VAMP7: variants seen among roughly 807,000 people sequenced by gnomAD.
The protein encoded by VAMP7 is vesicle-associated membrane protein 7.
In VAMP7, 14 loss-of-function variants were observed where a neutral mutation model predicts 29.6. The ratio of observed to expected loss-of-function variants is 0.47; its 90% CI spans 0.31 to 0.74. VAMP7 has a LOEUF of 0.74. Ranked by LOEUF, VAMP7 falls within the 30% of genes least tolerant of loss-of-function variation. The pLI is 0.05. For missense variants in VAMP7, 223 were observed against 262.4 expected (o/e 0.85, Z 1.04); for synonymous variants, 95 against 88.1 (o/e 1.08, Z -0.44).
chrX:155,913,708 C>T (rs1191603523), intron 5 of VAMP7, among the ~76,000 whole-genome samples: 1 of 152,052 alleles, frequency 6.6e-6, no homozygotes, highest in African/African-American at 2.4e-5. Context: ...TTTCTGAGGC[C>T]TCTGTTCTGT....
chrX:155,891,902 T>C (rs2065929241), intron 2 of VAMP7, among the ~76,000 whole-genome samples: 1 of 152,210 alleles, frequency 6.6e-6, no homozygotes, highest in African/African-American at 2.4e-5. Context: ...GATTTTGGCT[T>C]TATACTTTCT....
At chrX:155,901,657 G>A (rs2066064238) in intron 5 of VAMP7, among the ~76,000 whole-genome samples, 1 of 152,040 alleles carries the variant, frequency 6.6e-6, no homozygotes, top group South Asian at 2.1e-4. Flanking sequence ...GTTTTTCTTA[G>A]GTTTGTCAAA....
intron 6 of VAMP7, among the ~76,000 whole-genome samples, chrX:155,935,583 T>C (rs1456614187): frequency 2.0e-5 from 3 of 152,144 alleles, no homozygotes; most frequent in Non-Finnish European, 4.4e-5. Context: ...ACATTGGTTA[T>C]TCTAGTTAGC....
At chrX:155,922,444 T>C (rs937267717) in intron 6 of VAMP7, among the ~76,000 whole-genome samples, 4 of 152,122 alleles carry the variant, frequency 2.6e-5, no homozygotes, top group African/African-American at 9.6e-5. Context: ...GTATTCATGA[T>C]TTTATCAAAT....
intron 6 of VAMP7, among the ~76,000 whole-genome samples, chrX:155,935,261 G>A (rs1197520396): frequency 6.6e-6 from 1 of 152,002 alleles, no homozygotes; most frequent in Non-Finnish European, 1.5e-5. Flanking sequence ...TGCTAGGTTG[G>A]GGAAGTTCTC....
chrX:155,895,565 A>G (rs1308704539), intron 2 of VAMP7, 58 bp from the exon 3 acceptor site: 17 of 1,294,196 alleles, frequency 1.3e-5, no homozygotes, highest in Non-Finnish European at 1.8e-5. Context: ...GATAGAAGAT[A>G]GAAGTAAAAG....
chrX:155,900,485 A>T lies in VAMP7; in HGVS notation c.343-12A>T. 6.3e-7 allele frequency: 1 copy of T among 1,592,926 alleles called. No homozygotes were observed. Among genetic ancestry groups the T allele is most frequent in the Non-Finnish European group, 8.6e-7 (1 of 1,168,904 alleles). ...GTCTAGGTACCATAAGTTAAAACTTATTTTCTTATAGAAGCATCACTCTGA... is the reference window on the plus strand; with the variant it reads ...GTCTAGGTACCATAAGTTAAAACTTTTTTTCTTATAGAAGCATCACTCTGA... On this transcript the variant is annotated splice_polypyrimidine_tract_variant and intron_variant, in intron 4 of 7. Coordinates refer to ENST00000286448, the MANE Select transcript of VAMP7 (RefSeq NM_005638.6).
At chrX:155,940,376 T>C (rs1184360639) in intron 7 of VAMP7, among the ~76,000 whole-genome samples, 3 of 152,154 alleles carry the variant, frequency 2.0e-5, no homozygotes, top group Non-Finnish European at 2.9e-5. Flanking sequence ...GCTTCTCCTC[T>C]ACCACAGCTT....
Position 155,888,779 on chromosome X carries a change from A to T in VAMP7, c.-9-679A>T, listed in dbSNP as rs181332540. On this transcript the variant is annotated intron_variant, in intron 1 of 7. Transcript: ENST00000286448. ...TGGCAGTGTACAGTAAAAGGCTAAGATTATGAGCTCTAGAACCATACTGCC... is the reference window on the plus strand; with the variant it reads ...TGGCAGTGTACAGTAAAAGGCTAAGTTTATGAGCTCTAGAACCATACTGCC... Among the ~76,000 whole-genome samples, 168 of 152,252 alleles carry T rather than the reference A, an allele frequency of 1.1e-3. 1 individual carries two copies. The highest frequency in any genetic ancestry group is 3.5e-3 in the African/African-American group (147 of 41,548).
rs142892529 is a variant in VAMP7 at position 155,895,627 on chromosome X, T to C, written c.151T>C (p.Leu51=). ...NKLTYSHGNY[L]FHYICQDRIV... Reference sequence around the variant, plus strand: ...TTTATATCTTTTATTCTACAGTTATTTGTTTCATTACATCTGCCAAGACAG... The same window carrying C: ...TTTATATCTTTTATTCTACAGTTATCTGTTTCATTACATCTGCCAAGACAG... Residue 51 remains leucine (L), a synonymous_variant, in exon 3 of 8, where the codon TTG becomes CTG. Coordinates refer to ENST00000286448, the MANE Select transcript of VAMP7 (RefSeq NM_005638.6). The C allele has an allele frequency of 1.2e-4, 186 of 1,608,142 alleles. 1 individual carries two copies. In the African/African-American group the frequency reaches 2.3e-3, roughly 20 times the overall value.
chrX:155,898,604 C>G (rs2066018476), intron 4 of VAMP7, among the ~76,000 whole-genome samples: 1 of 152,008 alleles, frequency 6.6e-6, no homozygotes. Flanking sequence ...ATTTAATTTT[C>G]TAACAACCCA....
At chrX:155,903,577 T>G (rs1487546258) in intron 5 of VAMP7, among the ~76,000 whole-genome samples, 1 of 152,036 alleles carries the variant, frequency 6.6e-6, no homozygotes, top group African/African-American at 2.4e-5. Flanking sequence ...AAAGAAGACA[T>G]TTATGCAGCC....
chrX:155,918,695 A>G (rs1293594062), intron 5 of VAMP7, among the ~76,000 whole-genome samples: 1 of 152,146 alleles, frequency 6.6e-6, no homozygotes, highest in African/African-American at 2.4e-5. Flanking sequence ...AAATGCAGAA[A>G]TTACCCACCT....
intron 6 of VAMP7, among the ~76,000 whole-genome samples, chrX:155,934,385 T>C (rs2066614001): frequency 6.6e-6 from 1 of 152,214 alleles, no homozygotes; most frequent in African/African-American, 2.4e-5. Flanking sequence ...TGGGTCCTCC[T>C]GTATTGGGTG....
At chrX:155,893,926 A>G (rs1450194953) in intron 2 of VAMP7, among the ~76,000 whole-genome samples, 2 of 152,258 alleles carry the variant, frequency 1.3e-5, no homozygotes, top group African/African-American at 4.8e-5. Flanking sequence ...GCCACTGGAT[A>G]TGGCAATGTG....
intron 1 of VAMP7, among the ~76,000 whole-genome samples, chrX:155,882,923 G>C (rs1442472785): frequency 6.6e-6 from 1 of 152,160 alleles, no homozygotes; most frequent in Non-Finnish European, 1.5e-5. Context: ...AATTTCTAAG[G>C]CATAGGCTGA....
chrX:155,913,979 C>G (rs1388500050), intron 5 of VAMP7, among the ~76,000 whole-genome samples: 1 of 152,072 alleles, frequency 6.6e-6, no homozygotes, highest in Non-Finnish European at 1.5e-5. Context: ...TGGCCATATT[C>G]TTCCTATCCA....
rs533269514 is a variant in VAMP7, at chrX:155,892,038, A to G, written c.146+2426A>G. 1.2e-3 allele frequency among the ~76,000 whole-genome samples: 187 copies of G among 152,240 alleles called. 4 individuals are homozygous for G. In the South Asian group the frequency reaches 0.036, roughly 30 times the overall value. The stretch of plus-strand genomic sequence containing the variant: ...GAAATAGGGCATATATCTTCCACTC[A>G]TGTATTATGAGCCAGAATTTAGTCA... On this transcript the variant is annotated intron_variant, in intron 2 of 7. Coordinates refer to ENST00000286448, the MANE Select transcript of VAMP7 (RefSeq NM_005638.6).
chrX:155,889,300 T>C lies in VAMP7; in HGVS notation c.-9-158T>C, dbSNP rs2065899813. 4.6e-5 allele frequency among the ~76,000 whole-genome samples: 7 copies of C among 152,184 alleles called. No homozygotes were observed. The South Asian group carries it at 1.5e-3, about 32-fold the overall frequency. On this transcript the variant is annotated intron_variant, in intron 1 of 7. Transcript: ENST00000286448. The stretch of plus-strand genomic sequence containing the variant: ...GTAAGTTTGTAGAAAACTTTGACCT[T>C]CTTTTTAAGCCTGCTCTTAAGTCTG...
Sources: allele counts gnomAD v4.1 joint callset (sites outside exome capture counted in the v4.1 genomes callset), GRCh38; gene constraint gnomAD v4.1.1; transcripts MANE v1.5; gene names NCBI Gene and HGNC (gene_info 2026-07-23, HGNC 2026-07-21).